Variants in DENND5B observed in about 807,000 individuals in gnomAD.
DENND5B encodes DENN domain-containing protein 5B.
In DENND5B, 34 loss-of-function variants were observed where a neutral mutation model predicts 140.6. That is an observed-to-expected ratio of 0.24 (90% CI 0.18 to 0.32). The LOEUF (loss-of-function observed/expected upper bound fraction) is 0.32, where lower values mean the gene tolerates loss of function less well. DENND5B is among the 10% of genes least tolerant of loss of function. DENND5B has a pLI of 1.00. For synonymous variants in DENND5B, 551 were observed against 562.1 expected, an observed-to-expected ratio of 0.98 and a Z score of 0.28; for missense variants, 1,142 against 1,560.2, an observed-to-expected ratio of 0.73 and a Z score of 4.52.
At position 31,479,666 on chromosome 12, in the gene DENND5B, T is replaced by C; in HGVS notation, c.827A>G (p.Glu276Gly). 1 of 1,576,000 alleles carries C rather than the reference T, an allele frequency of 6.3e-7. No individual in the cohort carries two copies. The highest frequency in any genetic ancestry group is 8.6e-7 in the Non-Finnish European group (1 of 1,161,612). ...CACCAGGTTCTCTAATCCCAGGAGC[T>C]CAAATGCCTCCCGAAGGGGGTAATC... ...LSDYPLREAF[E>G]LLGLENLVQV... Residue 276 changes from glutamate to glycine, a missense_variant, in exon 3 of 21, where the codon GAG (glutamate) becomes GGG (glycine). Physicochemically the swap from Glu to Gly is moderately conservative, Grantham distance 98. This residue lies in a region of DENND5B where 708 missense variants were observed against 905.5 expected (regional missense o/e 0.78). Transcript: ENST00000389082.
intron 3 of DENND5B, among the ~76,000 whole-genome samples, chr12:31,463,684 G>A (rs936218684): frequency 1.3e-5 from 2 of 151,438 alleles, no homozygotes; most frequent in African/African-American, 4.8e-5. Context: ...TTTTGAGATC[G>A]AGTTTTCACT....
chr12:31,500,830 C>T (rs971087327), intron 1 of DENND5B, among the ~76,000 whole-genome samples: 5 of 152,080 alleles, frequency 3.3e-5, no homozygotes, highest in Admixed American at 1.3e-4. Flanking sequence ...CAAAATTGTA[C>T]GGCCACTTTG....
chr12:31,416,625 T>C (rs992825565), intron 11 of DENND5B, among the ~76,000 whole-genome samples: 2 of 152,024 alleles, frequency 1.3e-5, no homozygotes, highest in African/African-American at 4.8e-5. Flanking sequence ...GCAATGTATA[T>C]AAATTAAGCT....
intron 5 of DENND5B, among the ~76,000 whole-genome samples, chr12:31,449,733 T>TTTTTTG (rs1380736869): frequency 1.1e-5 from 1 of 87,794 alleles, no homozygotes; most frequent in African/African-American, 3.8e-5. Context: ...ACAGATTAGT[T>TTTTTTG]TTTTTTTTTT....
At chr12:31,542,763 A>T (rs531261843) in intron 1 of DENND5B, among the ~76,000 whole-genome samples, 1 of 152,280 alleles carries the variant, frequency 6.6e-6, no homozygotes, top group East Asian at 1.9e-4. Context: ...TGAGACCAGC[A>T]TGAGCAACAT....
At chr12:31,583,160 C>T (rs972822699) in intron 1 of DENND5B, among the ~76,000 whole-genome samples, 2 of 152,016 alleles carry the variant, frequency 1.3e-5, no homozygotes. Context: ...GGTGTGGTGG[C>T]GTGTGCCTGT....
intron 3 of DENND5B, among the ~76,000 whole-genome samples, chr12:31,461,483 T>C (rs915179195): frequency 6.6e-6 from 1 of 152,224 alleles, no homozygotes. Context: ...TACTTACATA[T>C]GTCCACAAGT....
At chr12:31,579,727 A>AAGGGG (rs1176338962) in intron 1 of DENND5B, among the ~76,000 whole-genome samples, 2 of 29,464 alleles carry the variant, frequency 6.8e-5, no homozygotes, top group African/African-American at 1.3e-4. Flanking sequence ...AGAAAGAGGG[A>AAGGGG]AGGGGAGGGG....
intron 1 of DENND5B, among the ~76,000 whole-genome samples, chr12:31,507,368 C>T (rs1591947969): frequency 6.6e-6 from 1 of 152,148 alleles, no homozygotes; most frequent in Admixed American, 6.6e-5. Context: ...AAACTCTTGG[C>T]CTCAAGTGAT....
In DENND5B at chr12:31,383,972, T is replaced by C. The variant is rs1940744277; in HGVS notation, c.*3631A>G. 1 of 152,128 alleles carries C rather than the reference T, an allele frequency of 6.6e-6. No homozygotes were observed. The highest frequency in any genetic ancestry group is 1.5e-5 in the Non-Finnish European group (1 of 68,030). The allele number at this position is 152,128 out of a possible 1,614,324, so 9.4% of individuals were successfully genotyped here. ...AATTTATTTGCAGGAAAAAAACAAA[T>C]TAAATATTGATTTTTTTATTTACTT... is the stretch of plus-strand genomic sequence containing the variant. On this transcript the variant is annotated 3_prime_UTR_variant, in exon 21 of 21. Coordinates refer to ENST00000389082, the MANE Select transcript of DENND5B (RefSeq NM_144973.4).
intron 1 of DENND5B, among the ~76,000 whole-genome samples, chr12:31,554,879 T>C (rs1565691215): frequency 6.6e-6 from 1 of 152,220 alleles, no homozygotes; most frequent in Non-Finnish European, 1.5e-5. Context: ...ATTCGTCACG[T>C]AGCTCTCGTG....
In DENND5B at chr12:31,397,481, G is replaced by A. The variant is rs185333405; in HGVS notation, c.3256+694C>T. Among the ~76,000 whole-genome samples, 123 of 141,044 alleles carry A rather than the reference G, an allele frequency of 8.7e-4. 1 individual carries two copies. In the East Asian group the frequency reaches 0.024, roughly 28 times the overall value. 92.5% of individuals were successfully genotyped at this position (141,044 alleles called of 152,430 possible). On this transcript the variant is annotated intron_variant, in intron 17 of 20. Transcript: ENST00000389082. Reference sequence around the variant, plus strand: ...GAGAATCGTTTGAACCCGGGAGGCGGGGGTTGCAGTGAGCTGAGATCGCAC... The same window carrying A: ...GAGAATCGTTTGAACCCGGGAGGCGAGGGTTGCAGTGAGCTGAGATCGCAC...
At chr12:31,552,773 A>G (rs183944254) in intron 1 of DENND5B, among the ~76,000 whole-genome samples, 1 of 152,036 alleles carries the variant, frequency 6.6e-6, no homozygotes, top group African/African-American at 2.4e-5. Context: ...CAGAGATTCA[A>G]CTTCTTCCTG....
chr12:31,589,956 C>G (rs895390531), intron 1 of DENND5B: 1 of 152,470 alleles, frequency 6.6e-6, no homozygotes, highest in East Asian at 1.9e-4. Flanking sequence ...AGCGGAAGGA[C>G]CGGTACCCCT....
chr12:31,487,469 G>A (rs1001088721), intron 2 of DENND5B, among the ~76,000 whole-genome samples: 4 of 152,062 alleles, frequency 2.6e-5, no homozygotes, highest in East Asian at 1.9e-4. Context: ...AGGCTGAGAC[G>A]GGTGGATTGC....
chr12:31,521,214 C>T (rs966079578), intron 1 of DENND5B, among the ~76,000 whole-genome samples: 2 of 151,474 alleles, frequency 1.3e-5, no homozygotes, highest in Admixed American at 6.6e-5. Flanking sequence ...AAGGTTATAT[C>T]AATGTTATAT....
chr12:31,470,027 C>A (rs943345192), intron 3 of DENND5B, among the ~76,000 whole-genome samples: 1 of 151,746 alleles, frequency 6.6e-6, no homozygotes, highest in Non-Finnish European at 1.5e-5. Context: ...TGGCTCACTG[C>A]AGCCTCTAAC....
intron 2 of DENND5B, among the ~76,000 whole-genome samples, chr12:31,482,971 C>A (rs949267883): frequency 6.6e-6 from 1 of 152,184 alleles, no homozygotes; most frequent in African/African-American, 2.4e-5. Context: ...AACCTCTCTG[C>A]CCTCATCTTA....
At chr12:31,437,001 C>T (rs556124003) in intron 7 of DENND5B, among the ~76,000 whole-genome samples, 2 of 152,164 alleles carry the variant, frequency 1.3e-5, no homozygotes, top group African/African-American at 4.8e-5. Flanking sequence ...AGTTAGCTAC[C>T]CATCCTGTAC....
Sources: gnomAD v4.1 joint callset for allele counts (sites outside exome capture counted in the v4.1 genomes callset) on GRCh38, gnomAD v4.1.1 for gene constraint, gnomAD v4.1.1 regional missense constraint, MANE v1.5 for transcripts, NCBI Gene and HGNC (gene_info 2026-07-23, HGNC 2026-07-21) for gene names.